POLR3G: variants seen among roughly 807,000 people sequenced by gnomAD.
The protein encoded by POLR3G is DNA-directed RNA polymerase III subunit RPC7.
Under a neutral mutation model 30.1 loss-of-function variants are expected in POLR3G, and 28 were observed. The observed-to-expected ratio is 0.93, with a 90% CI of 0.69 to 1.27. The LOEUF (loss-of-function observed/expected upper bound fraction) is 1.27. Ranked by LOEUF, POLR3G falls within the 50% of genes most tolerant of loss-of-function variation. POLR3G has a pLI of 0.00. For synonymous variants in POLR3G, 79 were observed against 82.5 expected (o/e 0.96, Z 0.23); for missense variants, 254 against 264.6 (o/e 0.96, Z 0.28).
In POLR3G at chr5:90,512,294, C is replaced by T; in HGVS notation, c.*155C>T. 1.7e-6 allele frequency: 1 copy of T among 571,872 alleles called. No individual in the cohort carries two copies. Among genetic ancestry groups the T allele is most frequent in the Non-Finnish European group, 3.2e-6 (1 of 311,908 alleles). The allele number at this position is 571,872 out of a possible 1,614,324, so 35.4% of individuals were successfully genotyped here. A position where few individuals can be genotyped will look rare whatever the true frequency, so the allele number is the denominator to read the frequency against. ...AATATTCAAAACCACTTTGAGTTTA[C>T]ATACTAGTTACCTTAAAAATTATTC... On this transcript the variant is annotated 3_prime_UTR_variant, in exon 8 of 8. Coordinates refer to ENST00000651687, the MANE Select transcript of POLR3G (RefSeq NM_006467.3).
rs1350394419 is a variant in POLR3G, at chr5:90,514,161, G to GC, written c.*2023dup. On this transcript the variant is annotated 3_prime_UTR_variant, in exon 8 of 8. Coordinates refer to ENST00000651687, the MANE Select transcript of POLR3G (RefSeq NM_006467.3). ...TTTACAATGTTAAAGTATACTAGTT[G>GC]CAAGAACAAGCAGGATTTGCAGGTT... 3 of 152,134 alleles carry GC rather than the reference G, an allele frequency of 2.0e-5. No individual in the cohort carries two copies. The highest frequency in any genetic ancestry group is 7.2e-5 in the African/African-American group (3 of 41,420). The allele number at this position is 152,134 out of a possible 1,614,324, so 9.4% of individuals were successfully genotyped here.
chr5:90,492,709 C>A (rs762768496), intron 3 of POLR3G, among the ~76,000 whole-genome samples: 17 of 151,650 alleles, frequency 1.1e-4, no homozygotes, highest in Non-Finnish European at 2.1e-4. Flanking sequence ...GGTGAAACCC[C>A]GTCTCTACTA....
Position 90,501,904 on chromosome 5 carries a change from A to C in POLR3G, c.356-2A>C. 1 of 1,613,104 alleles carries C rather than the reference A, an allele frequency of 6.2e-7. No individual in the cohort carries two copies. The highest frequency in any genetic ancestry group is 8.5e-7 in the Non-Finnish European group (1 of 1,179,392). On this transcript the variant is annotated splice_acceptor_variant, in intron 5 of 7. Transcript: ENST00000651687. LOFTEE classifies it high-confidence loss of function. ...ATGTGTTAACTGGTAGTTTTACTTC[A>C]GCAGGCCCAAAACCCAAAAAGGCAA...
chr5:90,502,400 G>A (rs1338425540), intron 6 of POLR3G: 2 of 884,974 alleles, frequency 2.3e-6, no homozygotes, highest in Non-Finnish European at 2.7e-6. Flanking sequence ...CTTAAGTATT[G>A]AAGACTCTTG....
At chr5:90,491,515 A>C (rs1475292358) in intron 3 of POLR3G, among the ~76,000 whole-genome samples, 2 of 152,138 alleles carry the variant, frequency 1.3e-5, no homozygotes, top group Non-Finnish European at 2.9e-5. Flanking sequence ...CATGAGACCC[A>C]ATATAAATTT....
intron 3 of POLR3G, among the ~76,000 whole-genome samples, chr5:90,488,571 T>C (rs1022602476): frequency 6.6e-6 from 1 of 152,156 alleles, no homozygotes; most frequent in East Asian, 1.9e-4. Flanking sequence ...ACATGACTTT[T>C]AATGACTGGT....
In POLR3G at chr5:90,475,892, A is replaced by G. The variant is rs576756443; in HGVS notation, c.-44+872A>G. Among the ~76,000 whole-genome samples the G allele has an allele frequency of 1.1e-4, 16 of 152,026 alleles. No homozygotes were observed. The East Asian group carries it at 2.5e-3, about 24-fold the overall frequency. Reference sequence around the variant, plus strand: ...GCACCCGGCTAATTTTGTATTTTTAATAGAAACGGGGTTTCACCATGTTGG... The same window carrying G: ...GCACCCGGCTAATTTTGTATTTTTAGTAGAAACGGGGTTTCACCATGTTGG... On this transcript the variant is annotated intron_variant, in intron 1 of 7. Transcript: ENST00000651687.
At chr5:90,490,346 G>A (rs550777482) in intron 3 of POLR3G, among the ~76,000 whole-genome samples, 1 of 140,792 alleles carries the variant, frequency 7.1e-6, no homozygotes, top group South Asian at 2.4e-4. Flanking sequence ...ATTGATACAA[G>A]TACATTCTCC....
At chr5:90,508,004 G>A (rs1315888591) in intron 7 of POLR3G, among the ~76,000 whole-genome samples, 3 of 152,056 alleles carry the variant, frequency 2.0e-5, no homozygotes, top group African/African-American at 4.8e-5. Context: ...CTAGACCAAA[G>A]CCAACTTTGA....
intron 5 of POLR3G, among the ~76,000 whole-genome samples, chr5:90,501,564 C>T (rs1361713763): frequency 6.6e-6 from 1 of 152,106 alleles, no homozygotes; most frequent in Non-Finnish European, 1.5e-5. Flanking sequence ...TTGTGGGAGC[C>T]TTTCACTATA....
At chr5:90,483,766 T>A (rs2151901440) in intron 1 of POLR3G, among the ~76,000 whole-genome samples, 1 of 152,290 alleles carries the variant, frequency 6.6e-6, no homozygotes. Flanking sequence ...ATAAAATATT[T>A]AAAAAATTAA....
chr5:90,483,694 G>A (rs1751265388), intron 1 of POLR3G, among the ~76,000 whole-genome samples: 1 of 152,244 alleles, frequency 6.6e-6, no homozygotes, highest in Non-Finnish European at 1.5e-5. Flanking sequence ...AGCTACTTAG[G>A]AGGCTGAGAC....
chr5:90,493,466 T>G (rs1274930035), intron 3 of POLR3G, among the ~76,000 whole-genome samples: 1 of 152,000 alleles, frequency 6.6e-6, no homozygotes, highest in African/African-American at 2.4e-5. Flanking sequence ...CAGGCTGGTC[T>G]CGAACTCCTG....
intron 6 of POLR3G, among the ~76,000 whole-genome samples, chr5:90,502,963 G>A (rs1315923869): frequency 1.3e-5 from 2 of 151,908 alleles, no homozygotes; most frequent in Non-Finnish European, 2.9e-5. Flanking sequence ...ACCTGTGTAG[G>A]GTAGATTTCT....
chr5:90,487,150 A>G (rs924505925), intron 2 of POLR3G, among the ~76,000 whole-genome samples: 1 of 152,036 alleles, frequency 6.6e-6, no homozygotes, highest in Non-Finnish European at 1.5e-5. Context: ...TCACTTCTCA[A>G]TTTCTTCACT....
At chr5:90,474,333 G>T, upstream of POLR3G, 4 of 1,568,502 alleles carry the variant, frequency 2.6e-6, no homozygotes, top group Middle Eastern at 1.7e-4. Context: ...GTGTGGGCGT[G>T]CGAGTCTCCC....
At chr5:90,475,480 T>TTTA (rs3073507) in intron 1 of POLR3G, among the ~76,000 whole-genome samples, 112,983 of 145,850 alleles carry the variant, frequency 0.77, 43,150 homozygotes, top group African/African-American at 0.84. Flanking sequence ...TTTTTTTAAT[T>TTTA]TTATTATTAT....
intron 6 of POLR3G, chr5:90,502,480 A>C (rs1466777584): frequency 1.5e-6 from 1 of 667,042 alleles, no homozygotes; most frequent in African/African-American, 2.0e-5. Context: ...AAATAAAAAA[A>C]TGTAGATTCA....
intron 1 of POLR3G, among the ~76,000 whole-genome samples, chr5:90,483,143 C>CAA (rs35917267): frequency 0.69 from 70,053 of 101,216 alleles, 23,618 homozygotes; most frequent in Admixed American, 0.74. Flanking sequence ...TCCTCCGTCT[C>CAA]AAAAAAAAAA....
Sources: gnomAD v4.1 joint callset for allele counts (sites outside exome capture counted in the v4.1 genomes callset) on GRCh38, gnomAD v4.1.1 for gene constraint, MANE v1.5 for transcripts, NCBI Gene and HGNC (gene_info 2026-07-23, HGNC 2026-07-21) for gene names.